ZFTRAF1: variants seen among roughly 807,000 people sequenced by gnomAD.
ZFTRAF1 encodes zinc finger TRAF-type and ring finger containing 1, also known as zinc finger TRAF-type-containing protein 1.
chr8:144,461,340 T>C, the ZFTRAF1 span, among the ~76,000 whole-genome samples: 2 of 151,400 alleles, frequency 1.3e-5, no homozygotes, highest in East Asian at 1.9e-4. Context: ...GACTGGGGAG[T>C]TGAAAGAGAG....
the ZFTRAF1 span, chr8:144,450,381 A>G: frequency 1.4e-6 from 1 of 713,964 alleles, no homozygotes. Context: ...GCCCCGCCCT[A>G]CTTCTGTATC....
the ZFTRAF1 span, chr8:144,453,987 C>T: frequency 6.4e-6 from 1 of 155,986 alleles, no homozygotes; most frequent in Non-Finnish European, 1.4e-5. Flanking sequence ...CAGCTGCCCC[C>T]TCGTCCAGGG....
the ZFTRAF1 span, chr8:144,453,202 A>C: frequency 3.9e-6 from 6 of 1,547,026 alleles, no homozygotes; most frequent in South Asian, 6.0e-5. Context: ...TGTAAGGCTA[A>C]GCCCCTGACC....
At chr8:144,458,385 A>T in the ZFTRAF1 span, among the ~76,000 whole-genome samples, 1 of 152,258 alleles carries the variant, frequency 6.6e-6, no homozygotes, top group Non-Finnish European at 1.5e-5. Context: ...TGTGTTTTAG[A>T]TACCTAAGCA....
At chr8:144,451,356 C>G in the ZFTRAF1 span, 1 of 154,498 alleles carries the variant, frequency 6.5e-6, no homozygotes, top group South Asian at 2.0e-4. Context: ...GGTGGCCAGT[C>G]TTTCCTGCGC....
chr8:144,450,966 C>T, the ZFTRAF1 span, among the ~76,000 whole-genome samples: 1 of 152,202 alleles, frequency 6.6e-6, no homozygotes, highest in African/African-American at 2.4e-5. Flanking sequence ...TTGAGGGGAA[C>T]AACCACAAAC....
At chr8:144,451,359 T>A in the ZFTRAF1 span, 1 of 154,384 alleles carries the variant, frequency 6.5e-6, no homozygotes, top group Admixed American at 6.4e-5. Flanking sequence ...GGCCAGTCTT[T>A]CCTGCGCGAA....
At chr8:144,453,796 A>C in the ZFTRAF1 span, 2 of 263,260 alleles carry the variant, frequency 7.6e-6, no homozygotes, top group Non-Finnish European at 7.5e-6. Flanking sequence ...GACTGCCCTG[A>C]CCCCCCTACA....
At chr8:144,459,242 A>G in the ZFTRAF1 span, among the ~76,000 whole-genome samples, 1 of 152,200 alleles carries the variant, frequency 6.6e-6, no homozygotes, top group Non-Finnish European at 1.5e-5. Context: ...GCCGGCAGGA[A>G]CGACCTGACC....
At chr8:144,459,446 C>T in the ZFTRAF1 span, among the ~76,000 whole-genome samples, 4 of 152,242 alleles carry the variant, frequency 2.6e-5, no homozygotes, top group East Asian at 1.9e-4. Context: ...CCCAACCTGA[C>T]GTGAGGCAGG....
At chr8:144,454,271 G>A in the ZFTRAF1 span, 1 of 152,318 alleles carries the variant, frequency 6.6e-6, no homozygotes, top group Admixed American at 6.5e-5. Flanking sequence ...TGGTGCCACT[G>A]AGAGACACAT....
the ZFTRAF1 span, chr8:144,462,239 G>T: frequency 2.0e-6 from 1 of 496,064 alleles, no homozygotes; most frequent in Non-Finnish European, 3.5e-6. Flanking sequence ...GGCGGGGGCT[G>T]CAGCCCCGGG....
chr8:144,461,184 C>G, the ZFTRAF1 span, among the ~76,000 whole-genome samples: 1,714 of 152,314 alleles, frequency 0.011, 32 homozygotes, highest in African/African-American at 0.039. Context: ...GCAACCTAGA[C>G]TAGCCCTACA....
the ZFTRAF1 span, chr8:144,450,110 G>T: frequency 2.1e-6 from 1 of 465,956 alleles, no homozygotes. Flanking sequence ...CCGTCTCTGA[G>T]CCTCGGGGCG....
the ZFTRAF1 span, chr8:144,453,546 G>A: frequency 2.4e-6 from 3 of 1,229,716 alleles, no homozygotes; most frequent in African/African-American, 3.0e-5. Context: ...GCTCCAGCCA[G>A]GTGTCCTGAG....
chr8:144,450,058 G>C, the ZFTRAF1 span: 1 of 386,506 alleles, frequency 2.6e-6, no homozygotes, highest in Non-Finnish European at 4.9e-6. Flanking sequence ...GCACAGAAGG[G>C]CTGGGGCAGG....
At chr8:144,460,473 C>G in the ZFTRAF1 span, among the ~76,000 whole-genome samples, 5 of 152,262 alleles carry the variant, frequency 3.3e-5, no homozygotes, top group Non-Finnish European at 7.3e-5. Flanking sequence ...GGCCCATCAC[C>G]ACCAGGTCCA....
the ZFTRAF1 span, chr8:144,452,590 C>T: frequency 0.98 from 1,495,007 of 1,533,236 alleles, 731,911 homozygotes; most frequent in Non-Finnish European, 1. Context: ...GCAGGTACAT[C>T]ACTCACAGAC....
the ZFTRAF1 span, chr8:144,453,600 C>T: frequency 1.0e-4 from 74 of 724,794 alleles, no homozygotes; most frequent in South Asian, 1.1e-3. Context: ...TGTCCCGAGT[C>T]GTGCTGGAGT....
Sources: gnomAD v4.1 joint callset for allele counts (sites outside exome capture counted in the v4.1 genomes callset) on GRCh38, gnomAD v4.1.1 for gene constraint, MANE v1.5 for transcripts, NCBI Gene and HGNC (gene_info 2026-07-23, HGNC 2026-07-21) for gene names.